The following ANKRD28 variants were observed in gnomAD, a reference collection of about 807,000 sequenced individuals.
The protein encoded by ANKRD28 is ankyrin repeat domain 28, also known as serine/threonine-protein phosphatase 6 regulatory ankyrin repeat subunit A.
ANKRD28 carries 44 observed loss-of-function variants against 126.5 expected under a neutral mutation model. That is an observed-to-expected ratio of 0.35 (90% CI 0.27 to 0.45). The LOEUF (loss-of-function observed/expected upper bound fraction) is 0.45, where lower values mean the gene tolerates loss of function less well. ANKRD28 is among the 20% of genes least tolerant of loss of function. The probability of loss-of-function intolerance (pLI) is 1.00; values close to 1 mark genes in which losing one functional copy is unlikely to be tolerated. For missense variants in ANKRD28, 1,110 were observed against 1,316.6 expected (o/e 0.84, Z 2.43); for synonymous variants, 442 against 468.5 (o/e 0.94, Z 0.73).
chr3:15,723,083 GA>G (rs200214369), intron 7 of ANKRD28, among the ~76,000 whole-genome samples: 4,079 of 152,244 alleles, frequency 0.027, 182 homozygotes, highest in African/African-American at 0.091. Flanking sequence ...AATTGCACCA[GA>G]ATGGACTTCA....
chr3:15,696,509 G>A (rs778188032), intron 14 of ANKRD28, among the ~76,000 whole-genome samples: 3 of 151,864 alleles, frequency 2.0e-5, no homozygotes, highest in Non-Finnish European at 4.4e-5. Flanking sequence ...CATATGTGAA[G>A]GCTATCTTTT....
chr3:15,727,702 C>T (rs1332612038), intron 6 of ANKRD28, among the ~76,000 whole-genome samples: 2 of 151,406 alleles, frequency 1.3e-5, no homozygotes, highest in Admixed American at 1.3e-4. Flanking sequence ...GGATTCAAGA[C>T]TTCAGCGAAG....
At chr3:15,796,333 T>A in intron 1 of ANKRD28, 72 bp downstream of exon 1, 1 of 913,876 alleles carries the variant, frequency 1.1e-6, no homozygotes, top group Non-Finnish European at 1.4e-6. Context: ...AATTTACATC[T>A]ATTCTTAAAA....
chr3:15,709,314 G>A (rs1010138907), intron 13 of ANKRD28, among the ~76,000 whole-genome samples: 4 of 152,122 alleles, frequency 2.6e-5, no homozygotes, highest in African/African-American at 4.8e-5. Flanking sequence ...GGAGAAAGGA[G>A]AACTGTATCA....
At chr3:15,700,958 C>G (rs2070497584) in intron 14 of ANKRD28, among the ~76,000 whole-genome samples, 1 of 152,064 alleles carries the variant, frequency 6.6e-6, no homozygotes, top group African/African-American at 2.4e-5. Flanking sequence ...GTTCAAATTC[C>G]AAGTCTATAA....
At chr3:15,749,130 G>T (rs1372970658) in intron 4 of ANKRD28, among the ~76,000 whole-genome samples, 1 of 106,950 alleles carries the variant, frequency 9.4e-6, no homozygotes, top group Non-Finnish European at 1.8e-5. Context: ...TTGAGACGGA[G>T]TCTCGCTCTG....
At chr3:15,730,150 C>T (rs1235301893) in intron 6 of ANKRD28, among the ~76,000 whole-genome samples, 6 of 152,124 alleles carry the variant, frequency 3.9e-5, no homozygotes, top group Admixed American at 6.6e-5. Context: ...GTGACCATGC[C>T]CAGCCCATGG....
intron 3 of ANKRD28, among the ~76,000 whole-genome samples, chr3:15,759,171 A>G (rs1389245467): frequency 6.6e-6 from 1 of 152,196 alleles, no homozygotes; most frequent in Non-Finnish European, 1.5e-5. Flanking sequence ...TTATGGTGGG[A>G]AGAAAAAAGG....
In ANKRD28 at chr3:15,696,244, A is replaced by C; in HGVS notation, c.1549T>G (p.Cys517Gly). 3.2e-6 allele frequency: 5 copies of C among 1,547,546 alleles called. No homozygotes were observed. Among genetic ancestry groups the C allele is most frequent in the Non-Finnish European group, 4.4e-6 (5 of 1,133,124 alleles). Residue 517 changes from cysteine (C) to glycine (G), a missense_variant and splice_region_variant, in exon 15 of 28, where the codon TGC becomes GGC. Coordinates refer to ENST00000683139, the MANE Select transcript of ANKRD28 (RefSeq NM_001349278.2). ...YAATSDTDGK[C>G]LEYLLRNDAN... ...TCGTTTCTTAATAAGTATTCCAGGC[A>C]CCTATATACAACAACAACAACATAC...
intron 4 of ANKRD28, among the ~76,000 whole-genome samples, chr3:15,750,038 T>C (rs2057765583): frequency 6.6e-6 from 1 of 152,258 alleles, no homozygotes; most frequent in Admixed American, 6.5e-5. Context: ...TGCCCTTAAA[T>C]TCAGGCTGAG....
At chr3:15,826,548 G>A (rs762387359) in intron 1 of ANKRD28, among the ~76,000 whole-genome samples, 3 of 152,152 alleles carry the variant, frequency 2.0e-5, no homozygotes, top group Non-Finnish European at 4.4e-5. Context: ...AGGAAAAAAG[G>A]GGAGCAGAGC....
At chr3:15,744,473 CTTT>C (rs551103706) in intron 4 of ANKRD28, among the ~76,000 whole-genome samples, 4 of 137,234 alleles carry the variant, frequency 2.9e-5, no homozygotes, top group African/African-American at 1.1e-4. Context: ...CCAAACCTGG[CTTT>C]TTTTTTTTTT....
At chr3:15,799,091 T>C (rs1213191059), upstream of ANKRD28, among the ~76,000 whole-genome samples, 2 of 152,052 alleles carry the variant, frequency 1.3e-5, no homozygotes, top group African/African-American at 4.8e-5. Context: ...TAATCTATTC[T>C]GCTATCACTG....
intron 14 of ANKRD28, among the ~76,000 whole-genome samples, chr3:15,707,092 G>A (rs185164869): frequency 7.2e-5 from 11 of 152,174 alleles, no homozygotes; most frequent in African/African-American, 2.2e-4. Context: ...GTTAAAAACC[G>A]AATAAATAAT....
chr3:15,685,906 C>T, intron 20 of ANKRD28, 96 bp downstream of exon 20: 2 of 943,738 alleles, frequency 2.1e-6, no homozygotes, highest in Non-Finnish European at 3.2e-6. Context: ...ATTTGACGAA[C>T]ATTTAATGAA....
Position 15,735,515 on chromosome 3 carries a change from A to G in ANKRD28, c.553-18T>C. The G allele has an allele frequency of 6.6e-7, 1 of 1,520,280 alleles. No individual in the cohort carries two copies. The highest frequency in any genetic ancestry group is 8.9e-7 in the Non-Finnish European group (1 of 1,122,900). The allele number at this position is 1,520,280 out of a possible 1,614,324, so 94.2% of individuals were successfully genotyped here. Reference sequence around the variant, plus strand: ...TTGACCATCTGGAATAGAAGTAAACACAGTGTCATCAAAATTGTGAAGCAC... The same window carrying G: ...TTGACCATCTGGAATAGAAGTAAACGCAGTGTCATCAAAATTGTGAAGCAC... On this transcript the variant is annotated intron_variant, in intron 5 of 27. Coordinates refer to ENST00000683139, the MANE Select transcript of ANKRD28 (RefSeq NM_001349278.2).
chr3:15,803,096 C>A (rs770245683), intron 1 of ANKRD28, among the ~76,000 whole-genome samples: 5 of 152,086 alleles, frequency 3.3e-5, no homozygotes, highest in Non-Finnish European at 5.9e-5. Flanking sequence ...GCCTTGTAAA[C>A]CAAGTTATAA....
chr3:15,832,826 T>C (rs2061234649), intron 1 of ANKRD28, among the ~76,000 whole-genome samples: 1 of 152,224 alleles, frequency 6.6e-6, no homozygotes, highest in South Asian at 2.1e-4. Context: ...TTATCCAATC[T>C]TCTGTTGATG....
chr3:15,855,618 C>T (rs189053709), intron 1 of ANKRD28, among the ~76,000 whole-genome samples: 222 of 152,242 alleles, frequency 1.5e-3, no homozygotes, highest in Non-Finnish European at 2.8e-3. Context: ...AAATTTATGA[C>T]CAACAGATTC....
Sources: gnomAD v4.1 joint callset for allele counts (sites outside exome capture counted in the v4.1 genomes callset) on GRCh38, gnomAD v4.1.1 for gene constraint, MANE v1.5 for transcripts, NCBI Gene and HGNC (gene_info 2026-07-23, HGNC 2026-07-21) for gene names.